ARFGEF2: variants seen among roughly 807,000 people sequenced by gnomAD.
The protein encoded by ARFGEF2 is brefeldin A-inhibited guanine nucleotide-exchange protein 2.
A neutral mutation model predicts 219.9 loss-of-function variants in ARFGEF2; 74 were observed. The observed-to-expected ratio is 0.34, with a 90% CI of 0.28 to 0.41. The LOEUF is 0.41. Among genes scored for constraint, ARFGEF2 ranks in the 10% least tolerant of loss-of-function variants. ARFGEF2 has a pLI of 1.00. For missense variants in ARFGEF2, 1,743 were observed against 2,218.3 expected (o/e 0.79, Z 4.30); for synonymous variants, 733 against 799.2 (o/e 0.92, Z 1.40).
chr20:48,991,067 C>T lies in ARFGEF2; in HGVS notation c.2842C>T (p.Leu948Phe). ...QLERDAYVQA[L>F]ARFSLLTASS... ...GGAACGAGATGCCTATGTTCAGGCT[C>T]TTGCTCGCTTCTCCCTACTCACAGC... The change falls in exon 21 of 39, where the codon CTT (leucine) becomes TTT (phenylalanine). Residue 948 changes from leucine (L) to phenylalanine (F), a missense_variant. Physicochemically the swap from Leu to Phe is conservative, Grantham distance 22. Transcript: ENST00000371917. 1 of 1,614,166 alleles carries T rather than the reference C, an allele frequency of 6.2e-7. No homozygotes were observed. The highest frequency in any genetic ancestry group is 1.1e-5 in the South Asian group (1 of 91,078).
At chr20:49,021,844 C>CAAA (rs71337480) in intron 34 of ARFGEF2, among the ~76,000 whole-genome samples, 17 of 110,130 alleles carry the variant, frequency 1.5e-4, no homozygotes, top group East Asian at 2.9e-4. Flanking sequence ...GACTCTGTCT[C>CAAA]AAAAAAAAAA....
intron 1 of ARFGEF2, among the ~76,000 whole-genome samples, chr20:48,927,654 C>T (rs1454680119): frequency 6.6e-6 from 1 of 151,242 alleles, no homozygotes; most frequent in Non-Finnish European, 1.5e-5. Context: ...CGCCACTGCA[C>T]TCCAGCCTTG....
At chr20:48,978,809 T>C (rs1200578824) in intron 14 of ARFGEF2, among the ~76,000 whole-genome samples, 1 of 152,258 alleles carries the variant, frequency 6.6e-6, no homozygotes, top group East Asian at 1.9e-4. Context: ...CTTGTGATTT[T>C]TGCACATTGA....
chr20:49,036,377 A>G lies in ARFGEF2; in HGVS notation c.*3178A>G. 1 of 396,922 alleles carries G rather than the reference A, an allele frequency of 2.5e-6. No individual in the cohort carries two copies. The highest frequency in any genetic ancestry group is 2.1e-5 in the African/African-American group (1 of 48,728). The allele number at this position is 396,922 out of a possible 1,614,324, so 24.6% of individuals were successfully genotyped here. ...CAAAGGTGTTTTACTCAGTGTTCTA[A>G]TTTTTAAAAAATTTTATCTGCATAT... On this transcript the variant is annotated 3_prime_UTR_variant, in exon 39 of 39. Transcript: ENST00000371917.
chr20:49,035,842 G>C lies in ARFGEF2; in HGVS notation c.*2643G>C. On this transcript the variant is annotated 3_prime_UTR_variant, in exon 39 of 39. Transcript: ENST00000371917. ...CATCTTAACAACAAACAGTGGATGG[G>C]TAATTTTTATTTCTGATACGCATCT... 1 of 231,696 alleles carries C rather than the reference G, an allele frequency of 4.3e-6. No homozygotes were observed. The highest frequency in any genetic ancestry group is 8.2e-5 in the East Asian group (1 of 12,180). The allele number at this position is 231,696 out of a possible 1,614,324, so 14.4% of individuals were successfully genotyped here. A position where few individuals can be genotyped will look rare whatever the true frequency, so the allele number is the denominator to read the frequency against.
In ARFGEF2 at chr20:49,022,927, G is replaced by C. The variant is rs2426106; in HGVS notation, c.4625-124G>C. On this transcript the variant is annotated intron_variant, in intron 34 of 38. Transcript: ENST00000371917. ...ACCAGGAGTTCAGGACCAGCCTGGA[G>C]AACGTAGTGAGACCCCATCTCTTAA... 0.6 allele frequency: 785,876 copies of C among 1,309,890 alleles called. 236,936 individuals carry two copies. Among genetic ancestry groups the C allele is most frequent in the Admixed American group, 0.67 (37,841 of 56,604 alleles). The allele number at this position is 1,309,890 out of a possible 1,614,324, so 81.1% of individuals were successfully genotyped here.
chr20:49,018,929 C>T lies in ARFGEF2; in HGVS notation c.4555C>T (p.Pro1519Ser), dbSNP rs974721706. ...GTCTTTAAGCAGCATAGATAAAAAT[C>T]CCTCTGAGAGGGGACAGAGCCAGCT... ...RQSLSSIDKN[P>S]SERGQSQLSN... is the part of the protein sequence containing the mutation. The change falls in exon 34 of 39, where the codon CCC becomes TCC. Residue 1519 changes from proline to serine, a missense_variant. Physicochemically the swap from Pro to Ser is moderately conservative, Grantham distance 74. Around this residue, in one of 5 missense-constraint regions of ARFGEF2, gnomAD observed 578 missense variants for 664.0 expected, o/e 0.87. Coordinates refer to ENST00000371917, the MANE Select transcript of ARFGEF2 (RefSeq NM_006420.3). The T allele has an allele frequency of 6.2e-7, 1 of 1,613,944 alleles. No individual in the cohort carries two copies. Among genetic ancestry groups the T allele is most frequent in the African/African-American group, 1.3e-5 (1 of 74,932 alleles).
chr20:48,926,833 A>T (rs374814642), intron 1 of ARFGEF2, among the ~76,000 whole-genome samples: 1 of 152,208 alleles, frequency 6.6e-6, no homozygotes, highest in Admixed American at 6.5e-5. Flanking sequence ...CAACTTGCCC[A>T]TCCACATCCA....
chr20:48,974,174 G>A (rs1483707300), intron 12 of ARFGEF2, among the ~76,000 whole-genome samples: 1 of 127,920 alleles, frequency 7.8e-6, no homozygotes, highest in Non-Finnish European at 1.6e-5. Flanking sequence ...CACCCAGGCT[G>A]GAGTGCAGTG....
At chr20:48,985,946 G>T (rs1407316762) in intron 16 of ARFGEF2, among the ~76,000 whole-genome samples, 1 of 152,180 alleles carries the variant, frequency 6.6e-6, no homozygotes, top group Non-Finnish European at 1.5e-5. Context: ...ATCAAAAACA[G>T]TTCCCCTGAT....
rs1447888913 is a variant in ARFGEF2 at position 48,951,335 on chromosome 20, T to C, written c.289T>C (p.Tyr97His). ...SLDCLQKLIAYGHITGNAPDS... is the reference protein window; with the variant it reads ...SLDCLQKLIAHGHITGNAPDS... ...TTTCTCTCTTTAGAAACTCATCGCA[T>C]ACGGGCACATCACTGGCAACGCCCC... The change falls in exon 4 of 39, where the codon TAC (tyrosine) becomes CAC (histidine). Residue 97 changes from tyrosine (Y) to histidine (H), a missense_variant. By Grantham distance (83) the Tyr-to-His change is moderately conservative. Transcript: ENST00000371917. The C allele has an allele frequency of 6.2e-7, 1 of 1,614,174 alleles. No individual in the cohort carries two copies. The highest frequency in any genetic ancestry group is 8.5e-7 in the Non-Finnish European group (1 of 1,180,040).
chr20:48,974,170 G>C (rs2091246388), intron 12 of ARFGEF2, among the ~76,000 whole-genome samples: 1 of 119,560 alleles, frequency 8.4e-6, no homozygotes, highest in African/African-American at 3.2e-5. Context: ...CTGTCACCCA[G>C]GCTGGAGTGC....
rs73264224 is a variant in ARFGEF2 at position 48,942,086 on chromosome 20, T to A, written c.276+99T>A. ...TGGGGACCACGCTGGCACTCAGTGC[T>A]GTCAGAGGCGATGCAGAAAGGAGCA... On this transcript the variant is annotated intron_variant, in intron 3 of 38. Transcript: ENST00000371917. The A allele has an allele frequency of 1.5e-3, 2,232 of 1,481,222 alleles. 34 individuals are homozygous for A. In the African/African-American group the frequency reaches 0.027, roughly 18 times the overall value. 91.8% of individuals were successfully genotyped at this position (1,481,222 alleles called of 1,614,324 possible).
At chr20:48,986,135 A>G (rs535501439) in intron 16 of ARFGEF2, among the ~76,000 whole-genome samples, 1 of 152,312 alleles carries the variant, frequency 6.6e-6, no homozygotes, top group African/African-American at 2.4e-5. Context: ...AGGGGAACAA[A>G]CCATTATTAA....
chr20:48,989,231 T>G, intron 18 of ARFGEF2, 54 bp from the exon 19 acceptor site: 1 of 1,604,158 alleles, frequency 6.2e-7, no homozygotes, highest in Non-Finnish European at 8.5e-7. Context: ...GTGTATGGCA[T>G]GTAGCCAGCC....
At chr20:49,000,517 T>TA (rs2091418848) in intron 25 of ARFGEF2, among the ~76,000 whole-genome samples, 1 of 152,206 alleles carries the variant, frequency 6.6e-6, no homozygotes, top group Non-Finnish European at 1.5e-5. Flanking sequence ...TCACTTTAAA[T>TA]AATCAACTAA....
intron 8 of ARFGEF2, among the ~76,000 whole-genome samples, chr20:48,968,656 G>A (rs1381649514): frequency 6.6e-6 from 1 of 152,082 alleles, no homozygotes; most frequent in Non-Finnish European, 1.5e-5. Flanking sequence ...GCCATTCATC[G>A]CACCTGGCTT....
At chr20:49,029,015 T>C (rs2091619052) in intron 37 of ARFGEF2, among the ~76,000 whole-genome samples, 1 of 152,260 alleles carries the variant, frequency 6.6e-6, no homozygotes, top group Admixed American at 6.5e-5. Context: ...ACTATCCCTC[T>C]TGGGACCAGG....
chr20:48,996,452 C>T (rs947849715), intron 23 of ARFGEF2, among the ~76,000 whole-genome samples: 1 of 114,748 alleles, frequency 8.7e-6, no homozygotes, highest in Non-Finnish European at 1.8e-5. Flanking sequence ...GAGACTCCAT[C>T]TGCAAAAAAA....
Sources: allele counts gnomAD v4.1 joint callset (sites outside exome capture counted in the v4.1 genomes callset), GRCh38; gene constraint gnomAD v4.1.1; regional missense constraint gnomAD v4.1.1; transcripts MANE v1.5; gene names NCBI Gene and HGNC (gene_info 2026-07-23, HGNC 2026-07-21).